The following SLC4A10 variants were observed in gnomAD, a reference collection of about 807,000 sequenced individuals.
SLC4A10 encodes solute carrier family 4 member 10.
A neutral mutation model predicts 137.7 loss-of-function variants in SLC4A10; 42 were observed. The observed-to-expected ratio is 0.30, with a 90% confidence interval of 0.24 to 0.39. SLC4A10 has a LOEUF of 0.39. Ranked by LOEUF, SLC4A10 falls within the 10% of genes least tolerant of loss-of-function variation. The probability of loss-of-function intolerance (pLI) is 1.00; values close to 1 mark genes in which losing one functional copy is unlikely to be tolerated. For synonymous variants in SLC4A10, 474 were observed against 464.1 expected, an observed-to-expected ratio of 1.02 and a Z score of -0.27; for missense variants, 925 against 1,355.0, an observed-to-expected ratio of 0.68 and a Z score of 4.98.
intron 1 of SLC4A10, 34 bp downstream of exon 1, chr2:161,624,600 G>A (rs759101844): frequency 4.5e-6 from 7 of 1,551,160 alleles, no homozygotes; most frequent in Admixed American, 3.9e-5. Context: ...TAGATTAACC[G>A]CGTTTGCTGC....
intron 1 of SLC4A10, among the ~76,000 whole-genome samples, chr2:161,758,404 T>C (rs1233812612): frequency 2.6e-5 from 4 of 151,952 alleles, no homozygotes; most frequent in African/African-American, 9.7e-5. Flanking sequence ...TCCCTCCTTA[T>C]ATAAAAAAAT....
intron 1 of SLC4A10, among the ~76,000 whole-genome samples, chr2:161,713,285 A>C (rs2044493829): frequency 1.3e-5 from 2 of 151,852 alleles, no homozygotes; most frequent in South Asian, 4.1e-4. Context: ...GAAAAAATAA[A>C]ATAAAAAAAA....
chr2:161,966,656 G>C (rs1697636466), intron 23 of SLC4A10, among the ~76,000 whole-genome samples: 1 of 151,732 alleles, frequency 6.6e-6, no homozygotes, highest in Non-Finnish European at 1.5e-5. Context: ...GGCTGAGGCA[G>C]GAGGATCACT....
At chr2:161,693,667 G>A (rs1319488799) in intron 1 of SLC4A10, among the ~76,000 whole-genome samples, 1 of 135,092 alleles carries the variant, frequency 7.4e-6, no homozygotes, top group East Asian at 2.1e-4. Context: ...CTACAAATTC[G>A]ACTTTTTTTT....
intron 1 of SLC4A10, among the ~76,000 whole-genome samples, chr2:161,732,273 T>A (rs2046900447): frequency 6.6e-6 from 1 of 152,220 alleles, no homozygotes; most frequent in South Asian, 2.1e-4. Context: ...CCTCTAATTC[T>A]GCCTTGGTCT....
At chr2:161,716,602 G>C (rs983979572) in intron 1 of SLC4A10, among the ~76,000 whole-genome samples, 7 of 152,124 alleles carry the variant, frequency 4.6e-5, no homozygotes. Flanking sequence ...GTTTGTTGAA[G>C]ATCAGACAAT....
chr2:161,960,660 C>T (rs1189244399), intron 21 of SLC4A10, among the ~76,000 whole-genome samples: 1 of 150,284 alleles, frequency 6.7e-6, no homozygotes, highest in East Asian at 2.0e-4. Context: ...GTGAAGATCG[C>T]ATTGAGCCGA....
intron 3 of SLC4A10, among the ~76,000 whole-genome samples, chr2:161,824,342 C>T (rs1461709239): frequency 2.6e-5 from 4 of 152,190 alleles, no homozygotes; most frequent in Non-Finnish European, 5.9e-5. Flanking sequence ...AAGATGCCTT[C>T]ATTGCTACAG....
At chr2:161,703,810 T>C (rs1300985403) in intron 1 of SLC4A10, among the ~76,000 whole-genome samples, 3 of 151,672 alleles carry the variant, frequency 2.0e-5, no homozygotes, top group African/African-American at 4.8e-5. Flanking sequence ...AAAGTTGTTT[T>C]ATTTGAGGCA....
At chr2:161,721,462 A>G (rs2045662988) in intron 1 of SLC4A10, among the ~76,000 whole-genome samples, 1 of 152,196 alleles carries the variant, frequency 6.6e-6, no homozygotes, top group Admixed American at 6.5e-5. Context: ...TTAGCCAGAT[A>G]TGAAATTTTG....
At chr2:161,679,755 G>C (rs934102921) in intron 1 of SLC4A10, among the ~76,000 whole-genome samples, 15 of 149,524 alleles carry the variant, frequency 1.0e-4, no homozygotes, top group African/African-American at 3.7e-4. Context: ...TGGCTTGTCT[G>C]CTTTTATTTT....
intron 2 of SLC4A10, among the ~76,000 whole-genome samples, chr2:161,798,718 G>GA (rs367932408): frequency 6.6e-6 from 1 of 151,120 alleles, no homozygotes; most frequent in Non-Finnish European, 1.5e-5. Context: ...AAGTTAGAGA[G>GA]AAAAAACCTT....
intron 1 of SLC4A10, among the ~76,000 whole-genome samples, chr2:161,637,050 TA>T (rs2034509814): frequency 2.1e-5 from 3 of 141,526 alleles, no homozygotes; most frequent in Non-Finnish European, 3.1e-5. Flanking sequence ...TGTATATAGA[TA>T]TATATGTATA....
At chr2:161,907,018 T>C (rs1326452141) in intron 15 of SLC4A10, among the ~76,000 whole-genome samples, 22 of 134,700 alleles carry the variant, frequency 1.6e-4, no homozygotes, top group Admixed American at 2.4e-4. Context: ...ATCGCGCCAC[T>C]GCACTCCAGC....
At chr2:161,883,713 G>T (rs2061996415) in intron 10 of SLC4A10, among the ~76,000 whole-genome samples, 2 of 152,044 alleles carry the variant, frequency 1.3e-5, no homozygotes, top group African/African-American at 4.8e-5. Flanking sequence ...GGTGGCTCTT[G>T]GTCTTCCCTG....
At chr2:161,924,563 T>C (rs1688727029) in intron 15 of SLC4A10, among the ~76,000 whole-genome samples, 1 of 152,174 alleles carries the variant, frequency 6.6e-6, no homozygotes, top group African/African-American at 2.4e-5. Flanking sequence ...ATGTCATATA[T>C]AAATCTTGTA....
chr2:161,732,894 C>T (rs938747280), intron 1 of SLC4A10, among the ~76,000 whole-genome samples: 25 of 152,036 alleles, frequency 1.6e-4, no homozygotes, highest in African/African-American at 1.9e-4. Context: ...AAGAGACTGG[C>T]GGCATTTTAC....
intron 1 of SLC4A10, among the ~76,000 whole-genome samples, chr2:161,754,986 C>A (rs1446815326): frequency 6.6e-6 from 1 of 152,110 alleles, no homozygotes; most frequent in Non-Finnish European, 1.5e-5. Context: ...AAAACTTGAA[C>A]CTAGACACCA....
At chr2:161,798,585 C>T (rs1175107339) in intron 2 of SLC4A10, among the ~76,000 whole-genome samples, 1 of 151,658 alleles carries the variant, frequency 6.6e-6, no homozygotes, top group Non-Finnish European at 1.5e-5. Flanking sequence ...AATAGCCACA[C>T]AACTTAAGTG....
Sources: gnomAD v4.1 joint callset for allele counts (sites outside exome capture counted in the v4.1 genomes callset) on GRCh38, gnomAD v4.1.1 for gene constraint, MANE v1.5 for transcripts, NCBI Gene and HGNC (gene_info 2026-07-23, HGNC 2026-07-21) for gene names.